Variants in ASTN2 observed in about 807,000 individuals in gnomAD.
The protein encoded by ASTN2 is astrotactin-2.
In ASTN2, 54 loss-of-function variants were observed where a neutral mutation model predicts 139.8. That is an observed-to-expected ratio of 0.39 (90% CI 0.31 to 0.48). The LOEUF is 0.48. ASTN2 is among the 20% of genes least tolerant of loss of function. The probability of loss-of-function intolerance (pLI) is 0.95; values close to 1 mark genes in which losing one functional copy is unlikely to be tolerated. For missense variants in ASTN2, 1,565 were observed against 1,725.1 expected, an observed-to-expected ratio of 0.91 and a Z score of 1.64; for synonymous variants, 756 against 719.5, an observed-to-expected ratio of 1.05 and a Z score of -0.81.
chr9:117,013,611 C>T (rs1026299931), intron 6 of ASTN2, among the ~76,000 whole-genome samples: 8 of 152,018 alleles, frequency 5.3e-5, no homozygotes, highest in South Asian at 2.1e-4. Context: ...GGGGACTGCA[C>T]GGGCACGGAG....
In ASTN2 at chr9:117,074,464, T is replaced by C. The variant is rs117926660; in HGVS notation, c.1276+21580A>G. On this transcript the variant is annotated intron_variant, in intron 5 of 22. Coordinates refer to ENST00000313400, the MANE Select transcript of ASTN2 (RefSeq NM_001365068.1). Reference sequence around the variant, plus strand: ...ATTAGACAGAGCTGAGTCAACATGATACTCTAGGCTGATGGAACAGCCCAG... The same window carrying C: ...ATTAGACAGAGCTGAGTCAACATGACACTCTAGGCTGATGGAACAGCCCAG... Among the ~76,000 whole-genome samples, 1,019 of 152,286 alleles carry C rather than the reference T, an allele frequency of 6.7e-3. 4 individuals carry two copies. The highest frequency in any genetic ancestry group is 0.011 in the Non-Finnish European group (735 of 68,030).
chr9:116,551,156 C>G (rs1240159012), intron 19 of ASTN2: 1 of 152,104 alleles, frequency 6.6e-6, no homozygotes, highest in Admixed American at 6.5e-5. Flanking sequence ...AATAAAAATT[C>G]CCAGAAATTC....
intron 13 of ASTN2, among the ~76,000 whole-genome samples, chr9:116,793,658 A>G (rs945378049): frequency 6.6e-5 from 10 of 152,226 alleles, no homozygotes; most frequent in African/African-American, 2.4e-4. Flanking sequence ...GAGGTCCAGA[A>G]AAAACAGAAT....
intron 10 of ASTN2, among the ~76,000 whole-genome samples, chr9:116,883,885 T>C (rs1833520311): frequency 6.6e-6 from 1 of 152,190 alleles, no homozygotes. Context: ...ATGTCCTGAG[T>C]TTTGTCAGTA....
At chr9:116,723,568 G>A (rs1036365147) in intron 16 of ASTN2, among the ~76,000 whole-genome samples, 3 of 152,140 alleles carry the variant, frequency 2.0e-5, no homozygotes, top group East Asian at 1.9e-4. Flanking sequence ...GCAGATGGCA[G>A]TGACACATAA....
At chr9:117,037,768 T>C (rs1838430825) in intron 6 of ASTN2, among the ~76,000 whole-genome samples, 1 of 152,192 alleles carries the variant, frequency 6.6e-6, no homozygotes, top group Non-Finnish European at 1.5e-5. Context: ...CTCTGTTGTT[T>C]TTTTCCACCT....
Position 117,268,513 on chromosome 9 carries a change from C to A in ASTN2, c.630+22813G>T, listed in dbSNP as rs75732660. On this transcript the variant is annotated intron_variant, in intron 2 of 22. Transcript: ENST00000313400. ...TACTTTTTCTCCTCTGTGTTCCCACCGTCTAAGGTCTGTGCTTCTGATACA... is the reference window on the plus strand; with the variant it reads ...TACTTTTTCTCCTCTGTGTTCCCACAGTCTAAGGTCTGTGCTTCTGATACA... Among the ~76,000 whole-genome samples the A allele has an allele frequency of 1.8e-3, 267 of 152,264 alleles. 1 individual carries two copies. Among genetic ancestry groups the A allele is most frequent in the African/African-American group, 6.2e-3 (257 of 41,546 alleles).
intron 6 of ASTN2, among the ~76,000 whole-genome samples, chr9:117,029,836 C>T (rs766216474): frequency 3.9e-5 from 6 of 152,048 alleles, no homozygotes; most frequent in Non-Finnish European, 8.8e-5. Context: ...CCTTACCTAG[C>T]CTTACCTGCC....
At chr9:117,181,668 TG>T (rs1266646762) in intron 3 of ASTN2, among the ~76,000 whole-genome samples, 1 of 152,202 alleles carries the variant, frequency 6.6e-6, no homozygotes, top group Non-Finnish European at 1.5e-5. Context: ...GGTCCTGTTT[TG>T]CCTGGTCTGT....
At chr9:116,652,646 A>G (rs946841954) in intron 16 of ASTN2, among the ~76,000 whole-genome samples, 2 of 152,210 alleles carry the variant, frequency 1.3e-5, no homozygotes, top group South Asian at 2.1e-4. Flanking sequence ...AGTGACTCCA[A>G]TGATAAATTC....
intron 6 of ASTN2, among the ~76,000 whole-genome samples, chr9:117,011,065 A>T (rs1837516987): frequency 6.6e-6 from 1 of 152,178 alleles, no homozygotes; most frequent in South Asian, 2.1e-4. Context: ...CAGCATCATG[A>T]TGTCCACTAC....
chr9:116,982,577 T>C (rs1340226890), intron 7 of ASTN2, among the ~76,000 whole-genome samples: 3 of 152,042 alleles, frequency 2.0e-5, no homozygotes, highest in Non-Finnish European at 4.4e-5. Context: ...TCATTATTAT[T>C]TTTTTAGAGA....
chr9:116,837,288 C>T (rs921595699), intron 11 of ASTN2, among the ~76,000 whole-genome samples: 2 of 152,108 alleles, frequency 1.3e-5, no homozygotes, highest in Admixed American at 6.6e-5. Context: ...GGTGAGAAAG[C>T]GGGGAGTCTA....
At chr9:116,495,064 C>T (rs1398762941) in intron 19 of ASTN2, among the ~76,000 whole-genome samples, 1 of 152,168 alleles carries the variant, frequency 6.6e-6, no homozygotes, top group Non-Finnish European at 1.5e-5. Context: ...CCTGCATAAC[C>T]TTTCAGGAGT....
intron 3 of ASTN2, among the ~76,000 whole-genome samples, chr9:117,205,751 C>T (rs1024859501): frequency 2.0e-5 from 3 of 152,082 alleles, no homozygotes; most frequent in Admixed American, 6.5e-5. Flanking sequence ...AAGTAGCGGT[C>T]GGTGTCTGAA....
At chr9:116,701,781 T>G (rs559502933) in intron 16 of ASTN2, among the ~76,000 whole-genome samples, 1 of 152,192 alleles carries the variant, frequency 6.6e-6, no homozygotes, top group East Asian at 1.9e-4. Context: ...TATTTTAGGC[T>G]GTGCTTAGTA....
chr9:117,282,982 G>GTTTT (rs202218410), intron 2 of ASTN2, among the ~76,000 whole-genome samples: 11 of 130,934 alleles, frequency 8.4e-5, no homozygotes, highest in African/African-American at 3.5e-4. Flanking sequence ...TACTTCTACT[G>GTTTT]TTTTTTTTTT....
intron 19 of ASTN2, among the ~76,000 whole-genome samples, chr9:116,510,108 T>C (rs1462609922): frequency 6.6e-6 from 1 of 152,164 alleles, no homozygotes; most frequent in Non-Finnish European, 1.5e-5. Flanking sequence ...TGGTATTGCC[T>C]AGGTTTTCTT....
At position 116,886,306 on chromosome 9, in the gene ASTN2, A is replaced by T. The variant is rs73658710; in HGVS notation, c.1890-22573T>A. ...TAGAGACAGTGCTGGTCTGTTAAGTACCTCAAAGGCAGACTGCCCAAGCAA... is the reference window on the plus strand; with the variant it reads ...TAGAGACAGTGCTGGTCTGTTAAGTTCCTCAAAGGCAGACTGCCCAAGCAA... On this transcript the variant is annotated intron_variant, in intron 10 of 22. Transcript: ENST00000313400. 2.3e-3 allele frequency among the ~76,000 whole-genome samples: 348 copies of T among 152,354 alleles called. 2 individuals carry two copies. The highest frequency in any genetic ancestry group is 7.9e-3 in the African/African-American group (328 of 41,588).
Sources: gnomAD v4.1 joint callset for allele counts (sites outside exome capture counted in the v4.1 genomes callset) on GRCh38, gnomAD v4.1.1 for gene constraint, MANE v1.5 for transcripts, NCBI Gene and HGNC (gene_info 2026-07-23, HGNC 2026-07-21) for gene names.